The following CHMP3 variants were observed in gnomAD, a reference collection of about 807,000 sequenced individuals.
The protein encoded by CHMP3 is 25.1 protein.
Under a neutral mutation model 27.4 loss-of-function variants are expected in CHMP3, and 8 were observed. That is an observed-to-expected ratio of 0.29 (90% CI 0.17 to 0.53). The LOEUF is 0.53. Ranked by LOEUF, CHMP3 falls within the 20% of genes least tolerant of loss-of-function variation. The pLI, the probability that CHMP3 is intolerant of heterozygous loss-of-function variation, is 0.96. For synonymous variants in CHMP3, 86 were observed against 85.5 expected (o/e 1.01, Z -0.03); for missense variants, 208 against 271.5 (o/e 0.77, Z 1.64).
At chr2:86,532,187 T>C (rs1675948998) in intron 2 of CHMP3, among the ~76,000 whole-genome samples, 1 of 152,206 alleles carries the variant, frequency 6.6e-6, no homozygotes, top group Non-Finnish European at 1.5e-5. Flanking sequence ...AGTAAATTCC[T>C]AAGTATTTGA....
At chr2:86,517,900 A>G (rs1398705460) in intron 3 of CHMP3, among the ~76,000 whole-genome samples, 2 of 152,096 alleles carry the variant, frequency 1.3e-5, no homozygotes, top group South Asian at 2.1e-4. Context: ...TCGTGCTTGT[A>G]GTCCCAGATA....
At chr2:86,553,828 T>C (rs1202546153) in intron 1 of CHMP3, among the ~76,000 whole-genome samples, 1 of 152,166 alleles carries the variant, frequency 6.6e-6, no homozygotes, top group Admixed American at 6.5e-5. Context: ...TGTTGCAAAA[T>C]GTGTTATATT....
intron 3 of CHMP3, among the ~76,000 whole-genome samples, chr2:86,521,158 A>G (rs929870012): frequency 2.0e-5 from 3 of 152,210 alleles, no homozygotes; most frequent in Admixed American, 1.3e-4. Context: ...CCCCAAACCT[A>G]TAAGAACTAA....
intron 1 of CHMP3, among the ~76,000 whole-genome samples, chr2:86,546,074 T>C (rs937163683): frequency 1.3e-5 from 2 of 151,252 alleles, no homozygotes; most frequent in African/African-American, 4.9e-5. Flanking sequence ...CTGGGCAACG[T>C]TGAGCATTGA....
chr2:86,545,838 C>G (rs1037490632), intron 1 of CHMP3, among the ~76,000 whole-genome samples: 2 of 150,072 alleles, frequency 1.3e-5, no homozygotes, highest in African/African-American at 4.9e-5. Flanking sequence ...CCTCACTTCC[C>G]AGACAGGGCG....
At chr2:86,532,239 T>C (rs1675952267) in intron 2 of CHMP3, among the ~76,000 whole-genome samples, 1 of 152,192 alleles carries the variant, frequency 6.6e-6, no homozygotes, top group African/African-American at 2.4e-5. Context: ...TTAATTTCCT[T>C]TTCAGATTGT....
intron 4 of CHMP3, among the ~76,000 whole-genome samples, chr2:86,508,227 T>C (rs954338207): frequency 1.3e-5 from 2 of 152,170 alleles, no homozygotes; most frequent in Non-Finnish European, 2.9e-5. Context: ...GGAAGTCCTG[T>C]GCCTGGCAGC....
intron 2 of CHMP3, among the ~76,000 whole-genome samples, chr2:86,535,553 G>C (rs1257373660): frequency 2.0e-5 from 3 of 152,088 alleles, no homozygotes; most frequent in Non-Finnish European, 2.9e-5. Flanking sequence ...ACTCAGGCTA[G>C]AGTGCAGTGG....
At chr2:86,520,007 ATG>A (rs1334961470) in intron 3 of CHMP3, among the ~76,000 whole-genome samples, 10 of 152,236 alleles carry the variant, frequency 6.6e-5, no homozygotes, top group African/African-American at 1.9e-4. Context: ...TGAGTAATAA[ATG>A]TGTGTGGTAT....
chr2:86,524,205 G>C (rs1385099966), intron 3 of CHMP3, among the ~76,000 whole-genome samples: 1 of 152,154 alleles, frequency 6.6e-6, no homozygotes, highest in African/African-American at 2.4e-5. Context: ...AGAAAATACA[G>C]TGCAAAGGCA....
chr2:86,557,319 T>C (rs572724350), intron 1 of CHMP3, among the ~76,000 whole-genome samples: 2 of 152,316 alleles, frequency 1.3e-5, no homozygotes, highest in Non-Finnish European at 2.9e-5. Context: ...ATTCTGACTA[T>C]CTATGCTAAA....
At position 86,513,919 on chromosome 2, in the gene CHMP3, T is replaced by G. The variant is rs555484311; in HGVS notation, c.287-3440A>C. ...GAGATAATTGGGTTTGAACCCCAGCTCCGCCATTTCCTCACTGCCATCTTA... is the reference window on the plus strand; with the variant it reads ...GAGATAATTGGGTTTGAACCCCAGCGCCGCCATTTCCTCACTGCCATCTTA... On this transcript the variant is annotated intron_variant, in intron 3 of 5. Coordinates refer to ENST00000263856, the MANE Select transcript of CHMP3 (RefSeq NM_016079.4). Among the ~76,000 whole-genome samples the G allele has an allele frequency of 2.6e-4, 40 of 152,370 alleles. 1 individual carries two copies. Among genetic ancestry groups the G allele is most frequent in the Admixed American group, 5.9e-4 (9 of 15,298 alleles).
At chr2:86,549,581 G>A (rs1263508571) in intron 1 of CHMP3, among the ~76,000 whole-genome samples, 11 of 137,906 alleles carry the variant, frequency 8.0e-5, no homozygotes, top group Non-Finnish European at 1.7e-4. Flanking sequence ...AGGCAGAGAC[G>A]CCCCTCCCCT....
At chr2:86,517,728 A>T (rs1406278284) in intron 3 of CHMP3, among the ~76,000 whole-genome samples, 1 of 152,074 alleles carries the variant, frequency 6.6e-6, no homozygotes, top group Non-Finnish European at 1.5e-5. Context: ...ATTTTTTAAA[A>T]ATTAGCAAAT....
intron 2 of CHMP3, among the ~76,000 whole-genome samples, chr2:86,534,134 G>A (rs949861879): frequency 2.0e-5 from 3 of 149,542 alleles, no homozygotes; most frequent in Non-Finnish European, 3.0e-5. Context: ...TATGTGAGAA[G>A]AATGTGTAGT....
In CHMP3 at chr2:86,505,513, G is replaced by A. The variant is rs936918070; in HGVS notation, c.*291C>T. 6.7e-6 allele frequency: 2 copies of A among 296,360 alleles called. No homozygotes were observed. 18.4% of individuals were successfully genotyped at this position (296,360 alleles called of 1,614,324 possible). A position where few individuals can be genotyped will look rare whatever the true frequency, so the allele number is the denominator to read the frequency against. ...TTTTATAGACAAAAGTAGAGTCTTC[G>A]ACATTCAGGCAATCACCTATATTTT... is the stretch of plus-strand genomic sequence containing the variant. On this transcript the variant is annotated 3_prime_UTR_variant, in exon 6 of 6. Transcript: ENST00000263856.
intron 1 of CHMP3, among the ~76,000 whole-genome samples, chr2:86,554,015 G>A (rs191285378): frequency 2.6e-5 from 4 of 152,192 alleles, no homozygotes; most frequent in East Asian, 3.9e-4. Context: ...ATCAGGAGGC[G>A]GTGCCTTTTG....
chr2:86,549,093 A>T (rs1240083436), intron 1 of CHMP3, among the ~76,000 whole-genome samples: 1 of 102,010 alleles, frequency 9.8e-6, no homozygotes, highest in Non-Finnish European at 2.0e-5. Context: ...CCGGGCAGAG[A>T]CGCCCCTCAC....
In CHMP3 at chr2:86,563,344, C is replaced by T. The variant is rs1382997162; in HGVS notation, c.5G>A (p.Gly2Glu). 3.1e-6 allele frequency: 5 copies of T among 1,614,122 alleles called. No homozygotes were observed. The highest frequency in any genetic ancestry group is 4.2e-6 in the Non-Finnish European group (5 of 1,179,978). The change falls in exon 1 of 6, where the codon GGG (glycine) becomes GAG (glutamate). Residue 2 changes from glycine (G) to glutamate (E), a missense_variant. Physicochemically the swap from Gly to Glu is moderately conservative, Grantham distance 98. Around this residue, in one of 3 missense-constraint regions of CHMP3, gnomAD observed 52 missense variants for 43.5 expected, o/e 1.19. Coordinates refer to ENST00000263856, the MANE Select transcript of CHMP3 (RefSeq NM_016079.4). MGLFGKTQEKPP... is the reference protein window; with the variant it reads MELFGKTQEKPP... Reference sequence around the variant, plus strand: ...CTTCTCCTGGGTCTTTCCAAACAGCCCCATGACGAACTGAACCCGTCTTGC... The same window carrying T: ...CTTCTCCTGGGTCTTTCCAAACAGCTCCATGACGAACTGAACCCGTCTTGC...
Sources: allele counts gnomAD v4.1 joint callset (sites outside exome capture counted in the v4.1 genomes callset), GRCh38; gene constraint gnomAD v4.1.1; regional missense constraint gnomAD v4.1.1; transcripts MANE v1.5; gene names NCBI Gene and HGNC (gene_info 2026-07-23, HGNC 2026-07-21).